Variants in ASIC1 observed in about 807,000 individuals in gnomAD.
ASIC1 encodes acid-sensing ion channel 1.
Under a neutral mutation model 63.4 loss-of-function variants are expected in ASIC1, and 21 were observed. The ratio of observed to expected loss-of-function variants is 0.33; its 90% CI spans 0.23 to 0.48. The LOEUF is 0.48. Ranked by LOEUF, ASIC1 falls within the 20% of genes least tolerant of loss-of-function variation. The pLI, the probability that ASIC1 is intolerant of heterozygous loss-of-function variation, is 0.99. For synonymous variants in ASIC1, 258 were observed against 278.2 expected (o/e 0.93, Z 0.72); for missense variants, 478 against 695.5 (o/e 0.69, Z 3.52).
Position 50,074,862 on chromosome 12 carries a change from G to C in ASIC1, c.559-2351G>C, listed in dbSNP as rs1188916346. Among the ~76,000 whole-genome samples, 1 of 3,420 alleles carries C rather than the reference G, an allele frequency of 2.9e-4. No homozygotes were observed. The highest frequency in any genetic ancestry group is 4.8e-4 in the African/African-American group (1 of 2,082). 2.2% of individuals were successfully genotyped at this position (3,420 alleles called of 152,430 possible). A position where few individuals can be genotyped will look rare whatever the true frequency, so the allele number is the denominator to read the frequency against. ...TGGACGCCCCACCCCCACCAGCTCT[G>C]TGTGTGTGTGTGTGTGTGTGTGTGT... is the stretch of plus-strand genomic sequence containing the variant. On this transcript the variant is annotated intron_variant, in intron 3 of 11. Transcript: ENST00000447966. The surrounding 1 kb of genome is among the most constrained non-coding windows in gnomAD (Gnocchi z 4.2).
chr12:50,079,854 G>T, intron 7 of ASIC1, 48 bp from the exon 8 acceptor site: 1 of 1,556,552 alleles, frequency 6.4e-7, no homozygotes, highest in Non-Finnish European at 8.7e-7. Context: ...GGAAGGTGCT[G>T]GCAGAAGGGC....
In ASIC1 at chr12:50,081,529, T is replaced by C. The variant is rs758782376; in HGVS notation, c.1483-16T>C. On this transcript the variant is annotated splice_polypyrimidine_tract_variant and intron_variant, in intron 11 of 11. Coordinates refer to ENST00000447966, the MANE Select transcript of ASIC1 (RefSeq NM_001095.4). The stretch of plus-strand genomic sequence containing the variant: ...TCCGAGGGATAACCCGTCCCTGTCC[T>C]GTCCCCTTCCCCCAGAACCCGTGCG... 1.2e-6 allele frequency: 2 copies of C among 1,606,292 alleles called. No individual in the cohort carries two copies. Among genetic ancestry groups the C allele is most frequent in the East Asian group, 4.5e-5 (2 of 44,286 alleles).
In ASIC1 at chr12:50,070,137, G is replaced by C. The variant is rs560420067; in HGVS notation, c.559-7076G>C. On this transcript the variant is annotated intron_variant, in intron 3 of 11. Transcript: ENST00000447966. ...ACACTGCTAAAGAGAAGGTCTGGGT[G>C]GGGGGCGCTGTATGCTTGGACAGAG... is the stretch of plus-strand genomic sequence containing the variant. Among the ~76,000 whole-genome samples, 205 of 152,270 alleles carry C rather than the reference G, an allele frequency of 1.3e-3. 3 individuals are homozygous for C. In the Middle Eastern group the frequency reaches 0.031, roughly 23 times the overall value.
At chr12:50,068,533 C>A (rs1950567335) in intron 3 of ASIC1, among the ~76,000 whole-genome samples, 1 of 152,092 alleles carries the variant, frequency 6.6e-6, no homozygotes, top group South Asian at 2.1e-4. Flanking sequence ...CAATTACCAT[C>A]TACACACTGA....
At position 50,059,791 on chromosome 12, in the gene ASIC1, A is replaced by G; in HGVS notation, c.395A>G (p.Glu132Gly). The G allele has an allele frequency of 1.9e-6, 3 of 1,613,970 alleles. No homozygotes were observed. Among genetic ancestry groups the G allele is most frequent in the Non-Finnish European group, 2.5e-6 (3 of 1,179,910 alleles). ...ATACCAGACACACAGATGGCAGATG[A>G]AAAGCAGCTGGAGATACTGCAGGAC... Reference protein sequence around the residue: ...YEIPDTQMADEKQLEILQDKA... With the variant: ...YEIPDTQMADGKQLEILQDKA... Residue 132 changes from glutamate (E) to glycine (G), a missense_variant, in exon 3 of 12, where the codon GAA (glutamate) becomes GGA (glycine). Coordinates refer to ENST00000447966, the MANE Select transcript of ASIC1 (RefSeq NM_001095.4). The surrounding 1 kb of genome is among the most constrained non-coding windows in gnomAD (Gnocchi z 4.6).
Position 50,074,089 on chromosome 12 carries a change from C to T in ASIC1, c.559-3124C>T, listed in dbSNP as rs1270956094. 3 of 1,535,388 alleles carry T rather than the reference C, an allele frequency of 2.0e-6. No individual in the cohort carries two copies. Among genetic ancestry groups the T allele is most frequent in the East Asian group, 4.9e-5 (2 of 40,920 alleles). ...GCTGGGACTGGATGAAAGTGATGAC[C>T]CCGGGGTGCCCCTCGCTCCACCGGG... is the stretch of plus-strand genomic sequence containing the variant. On this transcript the variant is annotated intron_variant, in intron 3 of 11. Coordinates refer to ENST00000447966, the MANE Select transcript of ASIC1 (RefSeq NM_001095.4). The surrounding 1 kb of genome is among the most constrained non-coding windows in gnomAD (Gnocchi z 4.2).
intron 3 of ASIC1, among the ~76,000 whole-genome samples, chr12:50,076,209 G>A (rs111849561): frequency 0.028 from 4,272 of 152,296 alleles, 210 homozygotes; most frequent in African/African-American, 0.097. Flanking sequence ...GCTCATGCCT[G>A]TAATCCCAAC....
At chr12:50,071,948 G>C (rs765225846) in intron 3 of ASIC1, among the ~76,000 whole-genome samples, 8 of 152,106 alleles carry the variant, frequency 5.3e-5, no homozygotes, top group Non-Finnish European at 8.8e-5. Flanking sequence ...AGAAAGAGGA[G>C]GACAGTGGCT....
chr12:50,076,392 A>C (rs532636399), intron 3 of ASIC1, among the ~76,000 whole-genome samples: 37 of 152,070 alleles, frequency 2.4e-4, no homozygotes, highest in African/African-American at 7.7e-4. Context: ...ACTTGAGCCC[A>C]GGAGGCGGAA....
At chr12:50,081,042 AACCCTGCTGCCCCCACGATGTCCTG>A (rs1950710000) in intron 9 of ASIC1, 35 bp from the exon 10 acceptor site, 2 of 1,461,940 alleles carry the variant, frequency 1.4e-6, no homozygotes, top group Non-Finnish European at 1.9e-6. Flanking sequence ...AGTCCCAGTA[AACCCTGCTGCCCCCACGATGTCCTG>A]ACCCCACTGA....
chr12:50,068,065 A>C (rs1347676362), intron 3 of ASIC1, among the ~76,000 whole-genome samples: 1 of 151,446 alleles, frequency 6.6e-6, no homozygotes, highest in Non-Finnish European at 1.5e-5. Flanking sequence ...GTATAGATCA[A>C]TTTCCCTCAT....
intron 3 of ASIC1, among the ~76,000 whole-genome samples, chr12:50,065,032 C>G (rs929364032): frequency 6.6e-5 from 10 of 152,140 alleles, no homozygotes; most frequent in African/African-American, 2.4e-4. Context: ...TCTCAACATC[C>G]AGGGGGAGTC....
intron 9 of ASIC1, 30 bp downstream of exon 9, chr12:50,080,619 T>C (rs777939754): frequency 1.2e-6 from 2 of 1,614,150 alleles, no homozygotes; most frequent in South Asian, 2.2e-5. Context: ...TGTCCCCTTC[T>C]CATGCCATGG....
In ASIC1 at chr12:50,063,402, G is replaced by A. The variant is rs917425840; in HGVS notation, c.558+3448G>A. 7.0e-4 allele frequency among the ~76,000 whole-genome samples: 106 copies of A among 152,318 alleles called. 1 individual carries two copies. The highest frequency in any genetic ancestry group is 1.0e-4 in the Non-Finnish European group (7 of 68,018). ...TCTGCCCTATGCCACCCCCTCCTCC[G>A]CTGAGACCTAGACCCTTTGCCTAGC... is the stretch of plus-strand genomic sequence containing the variant. On this transcript the variant is annotated intron_variant, in intron 3 of 11. Transcript: ENST00000447966.
At chr12:50,075,629 A>C (rs1032606892) in intron 3 of ASIC1, among the ~76,000 whole-genome samples, 4 of 152,120 alleles carry the variant, frequency 2.6e-5, no homozygotes, top group African/African-American at 9.7e-5. Context: ...AGGTCAATGG[A>C]GGAGGCTGTT....
Position 50,079,965 on chromosome 12 carries a change from A to G in ASIC1, c.1115A>G (p.Tyr372Cys). The G allele has an allele frequency of 6.2e-7, 1 of 1,614,048 alleles. No individual in the cohort carries two copies. The highest frequency in any genetic ancestry group is 8.5e-7 in the Non-Finnish European group (1 of 1,179,992). Residue 372 changes from tyrosine to cysteine, a missense_variant, in exon 8 of 12, where the codon TAT becomes TGT. By Grantham distance (194) the Tyr-to-Cys change is radical. Transcript: ENST00000447966. ...VCEMPCNLTR[Y>C]GKELSMVKIP... is the part of the protein sequence containing the mutation. The stretch of plus-strand genomic sequence containing the variant: ...GAAATGCCTTGCAACCTGACCCGCT[A>G]TGGCAAAGAGCTGTCCATGGTCAAG...
chr12:50,076,114 TGATAATGG>T (rs1371157298), intron 3 of ASIC1, among the ~76,000 whole-genome samples: 2 of 152,172 alleles, frequency 1.3e-5, no homozygotes, highest in African/African-American at 2.4e-5. Flanking sequence ...CAGGTTCTGC[TGATAATGG>T]GATAATGGAA....
At position 50,078,810 on chromosome 12, in the gene ASIC1, C is replaced by A; in HGVS notation, c.995-114C>A. ...ACTTCTGGGGCAGCATGGGGGCCTG[C>A]CAGTCCTCCCTTCCCATCTTCTCCC... On this transcript the variant is annotated intron_variant, in intron 6 of 11. Coordinates refer to ENST00000447966, the MANE Select transcript of ASIC1 (RefSeq NM_001095.4). The surrounding 1 kb of genome is among the most constrained non-coding windows in gnomAD (Gnocchi z 6.0). The A allele has an allele frequency of 7.3e-7, 1 of 1,371,018 alleles. No homozygotes were observed. The highest frequency in any genetic ancestry group is 1.0e-6 in the Non-Finnish European group (1 of 962,764). The allele number at this position is 1,371,018 out of a possible 1,614,324, so 84.9% of individuals were successfully genotyped here. A position where few individuals can be genotyped will look rare whatever the true frequency, so the allele number is the denominator to read the frequency against.
intron 4 of ASIC1, among the ~76,000 whole-genome samples, chr12:50,077,607 CTA>C (rs1382454873): frequency 6.6e-6 from 1 of 151,922 alleles, no homozygotes; most frequent in Non-Finnish European, 1.5e-5. Context: ...CGCCGCCACT[CTA>C]TAAATAACTC....
Sources: allele counts gnomAD v4.1 joint callset (sites outside exome capture counted in the v4.1 genomes callset), GRCh38; gene constraint gnomAD v4.1.1; non-coding constraint Gnocchi (gnomAD v3.1); transcripts MANE v1.5; gene names NCBI Gene and HGNC (gene_info 2026-07-23, HGNC 2026-07-21).